The following CABCOCO1 variants were observed in gnomAD, a reference collection of about 807,000 sequenced individuals.
The protein encoded by CABCOCO1 is ciliary associated calcium binding coiled-coil 1.
CABCOCO1 carries 28 observed loss-of-function variants against 35.7 expected under a neutral mutation model. The ratio of observed to expected loss-of-function variants is 0.78; its 90% CI spans 0.58 to 1.07. CABCOCO1 has a LOEUF of 1.07. Ranked by LOEUF, CABCOCO1 falls within the 50% of genes least tolerant of loss-of-function variation. The pLI is 0.00. For synonymous variants in CABCOCO1, 95 were observed against 100.1 expected (o/e 0.95, Z 0.30); for missense variants, 326 against 309.2 (o/e 1.05, Z -0.41).
intron 5 of CABCOCO1, among the ~76,000 whole-genome samples, chr10:61,714,034 T>C (rs572763672): frequency 6.6e-6 from 1 of 152,330 alleles, no homozygotes; most frequent in African/African-American, 2.4e-5. Context: ...TAAAATGAGT[T>C]AGGGAGGATT....
chr10:61,715,498 T>C (rs976317249), intron 5 of CABCOCO1, among the ~76,000 whole-genome samples: 1 of 152,198 alleles, frequency 6.6e-6, no homozygotes, highest in Non-Finnish European at 1.5e-5. Context: ...AATTGGGGCA[T>C]TTAGCCCATT....
At chr10:61,719,795 C>T (rs571768925) in intron 5 of CABCOCO1, among the ~76,000 whole-genome samples, 1 of 151,840 alleles carries the variant, frequency 6.6e-6, no homozygotes, top group Non-Finnish European at 1.5e-5. Flanking sequence ...GTGACAGGCA[C>T]CTGTAATCCC....
At chr10:61,717,651 A>G (rs1206587565) in intron 5 of CABCOCO1, among the ~76,000 whole-genome samples, 4 of 152,180 alleles carry the variant, frequency 2.6e-5, no homozygotes, top group Admixed American at 1.3e-4. Context: ...TATGCGATCT[A>G]TTTGAAAAGA....
intron 5 of CABCOCO1, among the ~76,000 whole-genome samples, chr10:61,714,486 A>G (rs1347301477): frequency 6.6e-6 from 1 of 152,128 alleles, no homozygotes; most frequent in East Asian, 1.9e-4. Context: ...GATTTTTTGA[A>G]GGGTTTTTTT....
At chr10:61,696,867 C>T (rs998596073) in intron 5 of CABCOCO1, among the ~76,000 whole-genome samples, 4 of 151,790 alleles carry the variant, frequency 2.6e-5, no homozygotes, top group African/African-American at 9.7e-5. Flanking sequence ...AACAAGGCAA[C>T]GGAAACATGG....
At chr10:61,713,113 C>G (rs1380467260) in intron 5 of CABCOCO1, among the ~76,000 whole-genome samples, 4 of 152,110 alleles carry the variant, frequency 2.6e-5, no homozygotes, top group Non-Finnish European at 5.9e-5. Flanking sequence ...GCCATTTTCA[C>G]GATATTGATT....
At position 61,701,735 on chromosome 10, in the gene CABCOCO1, A is replaced by G. The variant is rs191216655; in HGVS notation, c.552+11114A>G. The G allele has an allele frequency of 1.3e-3, 1,330 of 985,324 alleles. 1 individual carries two copies. Among genetic ancestry groups the G allele is most frequent in the Admixed American group, 1.9e-3 (31 of 16,262 alleles). 61.0% of individuals were successfully genotyped at this position (985,324 alleles called of 1,614,324 possible). A position where few individuals can be genotyped will look rare whatever the true frequency, so the allele number is the denominator to read the frequency against. On this transcript the variant is annotated intron_variant, in intron 5 of 7. Coordinates refer to ENST00000648843, the MANE Select transcript of CABCOCO1 (RefSeq NM_001366906.2). ...TAAAGTAAACTGTATCAGGTTCAGC[A>G]ACCCACATTTGAAAGTGGACATTTT...
Position 61,766,040 on chromosome 10 carries a change from A to T in CABCOCO1, c.*27A>T. On this transcript the variant is annotated 3_prime_UTR_variant, in exon 8 of 8. Transcript: ENST00000648843. ...GACTTGGTACAAGGAGAGTGATGCT[A>T]AACTTCACAGAAACAAACAAAACCA... is the stretch of plus-strand genomic sequence containing the variant. The T allele has an allele frequency of 3.8e-6, 6 of 1,586,542 alleles. No individual in the cohort carries two copies. The highest frequency in any genetic ancestry group is 5.2e-6 in the Non-Finnish European group (6 of 1,157,806).
At chr10:61,753,092 C>CA in intron 5 of CABCOCO1, among the ~76,000 whole-genome samples, 1 of 151,934 alleles carries the variant, frequency 6.6e-6, no homozygotes, top group East Asian at 1.9e-4. Flanking sequence ...GGTACTTATT[C>CA]AAAAAGAGTA....
intron 5 of CABCOCO1, among the ~76,000 whole-genome samples, chr10:61,750,507 C>T (rs372143082): frequency 3.9e-4 from 60 of 152,176 alleles, no homozygotes; most frequent in African/African-American, 1.3e-3. Context: ...ACCTGGGAGG[C>T]GGAGTTTGCA....
rs55784501 is a variant in CABCOCO1 at position 61,710,253 on chromosome 10, A to AGTGT, written c.552+19671_552+19674dup. On this transcript the variant is annotated intron_variant, in intron 5 of 7. Transcript: ENST00000648843. The stretch of plus-strand genomic sequence containing the variant: ...TGCTGAATTAATGTTTGTGTGTGTG[A>AGTGT]GTGTGTGTGTGTGTGTGTGTGTGTG... Among the ~76,000 whole-genome samples the AGTGT allele has an allele frequency of 3.2e-4, 47 of 146,670 alleles. 1 individual carries two copies. The highest frequency in any genetic ancestry group is 7.8e-4 in the African/African-American group (31 of 39,670).
chr10:61,748,561 T>G (rs981127258), intron 5 of CABCOCO1, among the ~76,000 whole-genome samples: 2 of 152,194 alleles, frequency 1.3e-5, no homozygotes, highest in Admixed American at 1.3e-4. Context: ...ACAAGGAAAC[T>G]GTGACCCTTG....
intron 5 of CABCOCO1, among the ~76,000 whole-genome samples, chr10:61,758,796 G>A (rs902697411): frequency 6.6e-6 from 1 of 151,872 alleles, no homozygotes; most frequent in Non-Finnish European, 1.5e-5. Flanking sequence ...TTTACACTAA[G>A]CAACAACTTT....
rs144843730 is a variant in CABCOCO1 at position 61,740,880 on chromosome 10, C to T, written c.553-19179C>T. 8.5e-3 allele frequency among the ~76,000 whole-genome samples: 1,299 copies of T among 152,290 alleles called. 6 individuals are homozygous for T. Among genetic ancestry groups the T allele is most frequent in the Admixed American group, 0.013 (203 of 15,298 alleles). On this transcript the variant is annotated intron_variant, in intron 5 of 7. Transcript: ENST00000648843. ...CCAATAAGAGGGCCGGGTGCAGTGGCTCATGCCTGTAATCCCAACACTTTG... is the reference window on the plus strand; with the variant it reads ...CCAATAAGAGGGCCGGGTGCAGTGGTTCATGCCTGTAATCCCAACACTTTG...
intron 6 of CABCOCO1, 76 bp downstream of exon 6, chr10:61,760,257 T>C (rs1403015213): frequency 7.0e-5 from 105 of 1,496,050 alleles, no homozygotes; most frequent in Non-Finnish European, 8.9e-5. Flanking sequence ...ACGAACTAAA[T>C]GTTTTCTTCA....
chr10:61,712,774 TTTC>T (rs1398209188), intron 5 of CABCOCO1, among the ~76,000 whole-genome samples: 3 of 152,238 alleles, frequency 2.0e-5, no homozygotes, highest in Non-Finnish European at 4.4e-5. Flanking sequence ...CCTTTCCCCA[TTTC>T]TTGTTTTTGT....
At chr10:61,691,324 C>T (rs896713171) in intron 5 of CABCOCO1, among the ~76,000 whole-genome samples, 1 of 152,088 alleles carries the variant, frequency 6.6e-6, no homozygotes, top group African/African-American at 2.4e-5. Context: ...ATGTAGGATA[C>T]AGTAACCCCT....
intron 5 of CABCOCO1, among the ~76,000 whole-genome samples, chr10:61,705,411 A>G (rs1427316094): frequency 2.0e-5 from 3 of 152,260 alleles, no homozygotes; most frequent in Non-Finnish European, 4.4e-5. Flanking sequence ...TATGCCTACC[A>G]GCATTCCCAG....
intron 5 of CABCOCO1, among the ~76,000 whole-genome samples, chr10:61,759,300 G>T (rs1841960383): frequency 6.6e-6 from 1 of 151,918 alleles, no homozygotes; most frequent in Non-Finnish European, 1.5e-5. Flanking sequence ...TATTAAACAT[G>T]GAATTAGAAC....
Sources: gnomAD v4.1 joint callset for allele counts (sites outside exome capture counted in the v4.1 genomes callset) on GRCh38, gnomAD v4.1.1 for gene constraint, MANE v1.5 for transcripts, NCBI Gene and HGNC (gene_info 2026-07-23, HGNC 2026-07-21) for gene names.